Variants in CES2 observed in about 807,000 individuals in gnomAD.
CES2 encodes the protein carboxylesterase 2.
In CES2, 42 loss-of-function variants were observed where a neutral mutation model predicts 52.1. The ratio of observed to expected loss-of-function variants is 0.81; its 90% confidence interval spans 0.63 to 1.04. CES2 has a LOEUF of 1.04. CES2 is among the 50% of genes least tolerant of loss of function. The pLI, the probability that CES2 is intolerant of heterozygous loss-of-function variation, is 0.00. For synonymous variants in CES2, 277 were observed against 289.6 expected (o/e 0.96, Z 0.44); for missense variants, 656 against 724.3 (o/e 0.91, Z 1.08).
rs374551599 is a variant in CES2 at position 66,942,039 on chromosome 16, G to A, written c.1138-66G>A. ...CCCTTCCTGTGCCATCCCCAAGCCC[G>A]AGACCACCTCCTCCCTGCCCCTGGC... On this transcript the variant is annotated intron_variant, in intron 8 of 11. Transcript: ENST00000317091. 3.8e-5 allele frequency: 59 copies of A among 1,560,050 alleles called. 1 individual carries two copies. In the East Asian group the frequency reaches 4.8e-4, roughly 13 times the overall value.
rs1963328253 is a variant in CES2, at chr16:66,940,320, C to G, written c.522C>G (p.Ile174Met). 6.2e-7 allele frequency: 1 copy of G among 1,614,028 alleles called. No individual in the cohort carries two copies. Among genetic ancestry groups the G allele is most frequent in the East Asian group, 2.2e-5 (1 of 44,880 alleles). Reference protein sequence around the residue: ...LAALENVVVVIIQYRLGVLGF... With the variant: ...LAALENVVVVMIQYRLGVLGF... ...CCTTGGAGAACGTGGTGGTGGTCAT[C>G]ATCCAGTACCGCCTGGGTGTCCTGG... Residue 174 changes from isoleucine to methionine, a missense_variant, in exon 4 of 12, where the codon ATC becomes ATG. Physicochemically the swap from Ile to Met is conservative, Grantham distance 10. Transcript: ENST00000317091.
In CES2 at chr16:66,942,352, G is replaced by GC. The variant is rs2145509223; in HGVS notation, c.1282+104dup. ...CCGGGTCAGCACTCATGTTTATTGG[G>GC]CTCCGGGGACACTTGACATCCATCA... On this transcript the variant is annotated intron_variant, in intron 9 of 11. Transcript: ENST00000317091. 3 of 1,231,756 alleles carry GC rather than the reference G, an allele frequency of 2.4e-6. No individual in the cohort carries two copies. In the East Asian group the frequency reaches 7.1e-5, roughly 29 times the overall value. The allele number at this position is 1,231,756 out of a possible 1,614,324, so 76.3% of individuals were successfully genotyped here.
Position 66,942,042 on chromosome 16 carries a change from A to T in CES2, c.1138-63A>T, listed in dbSNP as rs552974390. 3 of 1,561,206 alleles carry T rather than the reference A, an allele frequency of 1.9e-6. No individual in the cohort carries two copies. In the African/African-American group the frequency reaches 4.1e-5, roughly 21 times the overall value. ...TTCCTGTGCCATCCCCAAGCCCGAGACCACCTCCTCCCTGCCCCTGGCATC... is the reference window on the plus strand; with the variant it reads ...TTCCTGTGCCATCCCCAAGCCCGAGTCCACCTCCTCCCTGCCCCTGGCATC... On this transcript the variant is annotated intron_variant, in intron 8 of 11. Coordinates refer to ENST00000317091, the MANE Select transcript of CES2 (RefSeq NM_001365405.1).
chr16:66,935,571 C>T lies in CES2; in HGVS notation c.-65C>T, dbSNP rs753139596. 9.3e-6 allele frequency: 15 copies of T among 1,613,698 alleles called. No individual in the cohort carries two copies. Among genetic ancestry groups the T allele is most frequent in the Admixed American group, 1.7e-5 (1 of 60,032 alleles). ...GCACTGATCCACTGCTGGACAGACC[C>T]GGGGCAGCCTCTGGGTGAACAGCAG... On this transcript the variant is annotated 5_prime_UTR_variant, in exon 1 of 12. Coordinates refer to ENST00000317091, the MANE Select transcript of CES2 (RefSeq NM_001365405.1).
Position 66,938,186 on chromosome 16 carries a change from CCT to C in CES2, c.227_228del (p.Pro76ArgfsTer4), listed in dbSNP as rs1337741540. 1 of 1,614,178 alleles carries C rather than the reference CCT, an allele frequency of 6.2e-7. No individual in the cohort carries two copies. The highest frequency in any genetic ancestry group is 8.5e-7 in the Non-Finnish European group (1 of 1,180,030). On this transcript the variant is annotated frameshift_variant, in exon 2 of 12. Coordinates refer to ENST00000317091, the MANE Select transcript of CES2 (RefSeq NM_001365405.1). LOFTEE classifies it high-confidence loss of function. ...PPLGPLRFAP[P>X]EPPESWSGVR... The stretch of plus-strand genomic sequence containing the variant: ...TCTAGGTCCGCTGCGATTTGCACCC[CCT>C]GAGCCCCCTGAATCTTGGAGTGGTG...
chr16:66,940,328 A>G lies in CES2; in HGVS notation c.530A>G (p.Tyr177Cys). 6.2e-7 allele frequency: 1 copy of G among 1,614,044 alleles called. No individual in the cohort carries two copies. The highest frequency in any genetic ancestry group is 8.5e-7 in the Non-Finnish European group (1 of 1,179,996). ...LENVVVVIIQ[Y>C]RLGVLGFFST... ...AACGTGGTGGTGGTCATCATCCAGT[A>G]CCGCCTGGGTGTCCTGGGCTTCTTC... The change falls in exon 4 of 12, where the codon TAC becomes TGC. Residue 177 changes from tyrosine (Y) to cysteine (C), a missense_variant. Transcript: ENST00000317091.
At chr16:66,941,301 C>T (rs1171848034) in intron 6 of CES2, 79 bp downstream of exon 6, 1 of 1,568,080 alleles carries the variant, frequency 6.4e-7, no homozygotes, top group Non-Finnish European at 8.6e-7. Flanking sequence ...CCGTCATATT[C>T]CCTGGGCACA....
In CES2 at chr16:66,942,703, G is replaced by C; in HGVS notation, c.1338G>C (p.Lys446Asn). 1 of 1,614,242 alleles carries C rather than the reference G, an allele frequency of 6.2e-7. No homozygotes were observed. The highest frequency in any genetic ancestry group is 1.3e-5 in the African/African-American group (1 of 75,066). ...YEFQHQPSWL[K>N]NIRPPHMKAD... ...TCCAGCATCAGCCCAGCTGGCTCAA[G>C]AACATCAGGCCACCGCACATGAAGG... Residue 446 changes from lysine to asparagine, a missense_variant, in exon 10 of 12, where the codon AAG (lysine) becomes AAC (asparagine). Coordinates refer to ENST00000317091, the MANE Select transcript of CES2 (RefSeq NM_001365405.1).
intron 1 of CES2, among the ~76,000 whole-genome samples, chr16:66,936,625 GTGCC>G (rs1396030467): frequency 6.6e-6 from 1 of 152,210 alleles, no homozygotes; most frequent in Non-Finnish European, 1.5e-5. Context: ...AAGGCTCTGT[GTGCC>G]TGCCAGGCTT....
rs1220054951 is a variant in CES2 at position 66,944,443 on chromosome 16, AAAAAT to A, written c.*423_*427del. 1 of 153,356 alleles carries A rather than the reference AAAAAT, an allele frequency of 6.5e-6. No homozygotes were observed. The highest frequency in any genetic ancestry group is 2.4e-5 in the African/African-American group (1 of 41,508). The allele number at this position is 153,356 out of a possible 1,614,324, so 9.5% of individuals were successfully genotyped here. A position where few individuals can be genotyped will look rare whatever the true frequency, so the allele number is the denominator to read the frequency against. ...TATAAGGGAAAAATATGAGAAAAAT[AAAAAT>A]AAAAAGAGAATAATAGGCCAGGCAC... On this transcript the variant is annotated 3_prime_UTR_variant, in exon 12 of 12. Transcript: ENST00000317091.
At chr16:66,941,296 A>G in intron 6 of CES2, 74 bp downstream of exon 6, 2 of 1,576,542 alleles carry the variant, frequency 1.3e-6, no homozygotes, top group Non-Finnish European at 1.7e-6. Context: ...CACGGCCGTC[A>G]TATTCCCTGG....
chr16:66,939,112 G>C (rs1963290179), intron 2 of CES2, 105 bp from the exon 3 acceptor site: 1 of 914,782 alleles, frequency 1.1e-6, no homozygotes, highest in Non-Finnish European at 1.7e-6. Flanking sequence ...GTGTGAGCAG[G>C]ATATTGTGGG....
intron 3 of CES2, among the ~76,000 whole-genome samples, chr16:66,939,897 G>T (rs1336357530): frequency 2.0e-5 from 3 of 152,196 alleles, no homozygotes; most frequent in Non-Finnish European, 4.4e-5. Context: ...TTGAAACGGG[G>T]TCTCACTATG....
At chr16:66,940,135 A>G in intron 3 of CES2, 87 bp from the exon 4 acceptor site, 1 of 1,550,746 alleles carries the variant, frequency 6.4e-7, no homozygotes, top group South Asian at 1.2e-5. Flanking sequence ...AGGTAGACAG[A>G]GGCAAAGCAC....
At chr16:66,935,189 C>T (rs1963168487), upstream of CES2, 2 of 420,208 alleles carry the variant, frequency 4.8e-6, no homozygotes, top group Non-Finnish European at 8.5e-6. Flanking sequence ...CCCATTTCTC[C>T]ATCTGGGGGA....
At chr16:66,940,190 G>T in intron 3 of CES2, 32 bp from the exon 4 acceptor site, 1 of 1,610,602 alleles carries the variant, frequency 6.2e-7, no homozygotes, top group South Asian at 1.1e-5. Context: ...GGCTGGGTGG[G>T]AGCATCATGG....
chr16:66,941,715 A>G (rs1452191856), intron 7 of CES2, 53 bp from the exon 8 acceptor site: 2 of 1,613,562 alleles, frequency 1.2e-6, no homozygotes, highest in African/African-American at 1.3e-5. Context: ...TCAGGGCTTC[A>G]TAGCTCCAGG....
Position 66,941,488 on chromosome 16 carries a change from C to A in CES2, c.916-18C>A, listed in dbSNP as rs755086178. On this transcript the variant is annotated intron_variant, in intron 6 of 11. Transcript: ENST00000317091. ...TCTGGGACCTGACCTTGTTCCCTGA[C>A]CTTACATTTCCCCTCAGCCTTTCAA... 1 of 1,613,300 alleles carries A rather than the reference C, an allele frequency of 6.2e-7. No individual in the cohort carries two copies. The highest frequency in any genetic ancestry group is 8.5e-7 in the Non-Finnish European group (1 of 1,179,588).
chr16:66,941,774 A>C lies in CES2; in HGVS notation c.1063A>C (p.Arg355=), dbSNP rs776133360. ...EFGWLIPKVM[R]IYDTQKEMDR... The stretch of plus-strand genomic sequence containing the variant: ...CTCTCTCCTGGCCATCCAGGTCATG[A>C]GGATCTATGATACCCAGAAGGAAAT... Residue 355 remains arginine, a synonymous_variant, in exon 8 of 12, where the codon AGG becomes CGG. Transcript: ENST00000317091. The C allele has an allele frequency of 2.4e-5, 39 of 1,614,014 alleles. No individual in the cohort carries two copies. Among genetic ancestry groups the C allele is most frequent in the Non-Finnish European group, 3.1e-5 (36 of 1,180,012 alleles).
Sources: allele counts gnomAD v4.1 joint callset (sites outside exome capture counted in the v4.1 genomes callset), GRCh38; gene constraint gnomAD v4.1.1; transcripts MANE v1.5; gene names NCBI Gene and HGNC (gene_info 2026-07-23, HGNC 2026-07-21).